The following BCL7A variants were observed in gnomAD, a reference collection of about 807,000 sequenced individuals.
BCL7A encodes BAF chromatin remodeling complex subunit BCL7A, also known as B-cell CLL/lymphoma 7 protein family member A.
BCL7A carries 11 observed loss-of-function variants against 28.4 expected under a neutral mutation model. That is an observed-to-expected ratio of 0.39 (90% CI 0.24 to 0.64). The LOEUF is 0.64. BCL7A is among the 30% of genes least tolerant of loss of function. The pLI, the probability that BCL7A is intolerant of heterozygous loss-of-function variation, is 0.50. For missense variants in BCL7A, 222 were observed against 274.8 expected, an observed-to-expected ratio of 0.81 and a Z score of 1.36; for synonymous variants, 123 against 103.3, an observed-to-expected ratio of 1.19 and a Z score of -1.15.
At position 122,030,598 on chromosome 12, in the gene BCL7A, A is replaced by G; in HGVS notation, c.93-102A>G. The stretch of plus-strand genomic sequence containing the variant: ...GGGTGGAGCTGGGATTCCAACCCTC[A>G]TCTGTGTGATCTGGAGCTTGCTCTC... On this transcript the variant is annotated intron_variant, in intron 1 of 5. Transcript: ENST00000261822. The G allele has an allele frequency of 2.7e-6, 3 of 1,093,614 alleles. No individual in the cohort carries two copies. In the South Asian group the frequency reaches 3.9e-5, roughly 14 times the overall value. The allele number at this position is 1,093,614 out of a possible 1,614,324, so 67.7% of individuals were successfully genotyped here.
intron 2 of BCL7A, among the ~76,000 whole-genome samples, chr12:122,033,510 C>T (rs1883784792): frequency 6.6e-6 from 1 of 152,060 alleles, no homozygotes; most frequent in African/African-American, 2.4e-5. Context: ...GACGGGGTTT[C>T]ACCATGTTAG....
At chr12:122,034,237 A>C (rs1182653797) in intron 2 of BCL7A, among the ~76,000 whole-genome samples, 6 of 96,570 alleles carry the variant, frequency 6.2e-5, no homozygotes, top group African/African-American at 2.4e-4. Context: ...ATATATATAT[A>C]TATATATCTT....
At chr12:122,032,871 G>T (rs1234101012) in intron 2 of BCL7A, among the ~76,000 whole-genome samples, 2 of 152,124 alleles carry the variant, frequency 1.3e-5, no homozygotes, top group East Asian at 3.9e-4. Flanking sequence ...CCTCTAGGGC[G>T]ATGGTTCTCG....
At chr12:122,053,707 C>T (rs1884247014) in intron 4 of BCL7A, among the ~76,000 whole-genome samples, 1 of 150,234 alleles carries the variant, frequency 6.7e-6, no homozygotes, top group African/African-American at 2.5e-5. Context: ...CCCATCCAGC[C>T]TGCACCTTCC....
chr12:122,044,811 G>A (rs1884038312), intron 4 of BCL7A, among the ~76,000 whole-genome samples: 1 of 152,182 alleles, frequency 6.6e-6, no homozygotes, highest in Non-Finnish European at 1.5e-5. Flanking sequence ...GGGTGACAGA[G>A]TGAGACCCTG....
At chr12:122,055,092 CT>C in intron 5 of BCL7A, 166 bp downstream of exon 5, 1 of 1,413,014 alleles carries the variant, frequency 7.1e-7, no homozygotes, top group South Asian at 1.3e-5. Flanking sequence ...CAGTCCTGGG[CT>C]CTGCCTTGGG....
chr12:122,060,176 G>A lies in BCL7A; in HGVS notation c.*1013G>A, dbSNP rs1007922912. ...GACGTCGCTTGGATTTCAAATCCACGGTCACCTGCTGCCCTTTGCCTCCCC... is the reference window on the plus strand; with the variant it reads ...GACGTCGCTTGGATTTCAAATCCACAGTCACCTGCTGCCCTTTGCCTCCCC... On this transcript the variant is annotated 3_prime_UTR_variant, in exon 6 of 6. Coordinates refer to ENST00000261822, the MANE Select transcript of BCL7A (RefSeq NM_001024808.3). 2 of 232,974 alleles carry A rather than the reference G, an allele frequency of 8.6e-6. No individual in the cohort carries two copies. Among genetic ancestry groups the A allele is most frequent in the South Asian group, 1.8e-4 (1 of 5,516 alleles). 14.4% of individuals were successfully genotyped at this position (232,974 alleles called of 1,614,324 possible).
intron 4 of BCL7A, among the ~76,000 whole-genome samples, chr12:122,052,852 T>C (rs1884219572): frequency 2.0e-5 from 2 of 101,494 alleles, no homozygotes; most frequent in Admixed American, 2.0e-4. Context: ...CTGGCTTACT[T>C]TTGTATTTTT....
rs536683470 is a variant in BCL7A, at chr12:122,043,539, G to A, written c.272-347G>A. ...TGTAATCCCACCACTTTGGGAGGCC[G>A]AGGCAGGAGGATTACCTGAGGTCAG... On this transcript the variant is annotated intron_variant, in intron 3 of 5. Coordinates refer to ENST00000261822, the MANE Select transcript of BCL7A (RefSeq NM_001024808.3). Among the ~76,000 whole-genome samples, 633 of 152,116 alleles carry A rather than the reference G, an allele frequency of 4.2e-3. 4 individuals carry two copies. Among genetic ancestry groups the A allele is most frequent in the African/African-American group, 0.015 (603 of 41,496 alleles).
chr12:122,025,794 A>G (rs1883614072), intron 1 of BCL7A, among the ~76,000 whole-genome samples: 1 of 151,422 alleles, frequency 6.6e-6, no homozygotes, highest in African/African-American at 2.4e-5. Flanking sequence ...AAAAATACAA[A>G]AAATTAGCTG....
chr12:122,022,944 G>A (rs1370381955), intron 1 of BCL7A, among the ~76,000 whole-genome samples: 2 of 152,164 alleles, frequency 1.3e-5, no homozygotes, highest in East Asian at 3.9e-4. Flanking sequence ...GCCAGAAGCC[G>A]TTCGTCCTGG....
rs1884255134 is a variant in BCL7A, at chr12:122,054,083, C to T, written c.440-722C>T. On this transcript the variant is annotated intron_variant, in intron 4 of 5. Coordinates refer to ENST00000261822, the MANE Select transcript of BCL7A (RefSeq NM_001024808.3). ...TTGCTCTGGCAATCGGAAAAATACC[C>T]TTATTATTGTTATTATTTTGAGACG... is the stretch of plus-strand genomic sequence containing the variant. Among the ~76,000 whole-genome samples, 5 of 152,074 alleles carry T rather than the reference C, an allele frequency of 3.3e-5. No individual in the cohort carries two copies. The South Asian group carries it at 1.0e-3, about 32-fold the overall frequency.
At position 122,059,442 on chromosome 12, in the gene BCL7A, G is replaced by T; in HGVS notation, c.*279G>T. 2.9e-6 allele frequency: 1 copy of T among 349,168 alleles called. No individual in the cohort carries two copies. Among genetic ancestry groups the T allele is most frequent in the Non-Finnish European group, 5.3e-6 (1 of 188,360 alleles). 21.6% of individuals were successfully genotyped at this position (349,168 alleles called of 1,614,324 possible). On this transcript the variant is annotated 3_prime_UTR_variant, in exon 6 of 6. Transcript: ENST00000261822. This position sits in a 1 kb window ranked among gnomAD's most constrained non-coding sequence, Gnocchi z 4.0. Reference sequence around the variant, plus strand: ...GTCTGCACACTGTCTCGGAAGCCAGGATTCCATTTGTGTTGCTGCTGTATT... The same window carrying T: ...GTCTGCACACTGTCTCGGAAGCCAGTATTCCATTTGTGTTGCTGCTGTATT...
Position 122,044,000 on chromosome 12 carries a change from A to G in BCL7A, c.386A>G (p.Glu129Gly), listed in dbSNP as rs1472421253. ...TCGGCTGTGCCCAGCGACGGCACCGAGGCCAAGGTGGATGAGGCCCAGGCT... is the reference window on the plus strand; with the variant it reads ...TCGGCTGTGCCCAGCGACGGCACCGGGGCCAAGGTGGATGAGGCCCAGGCT... ...PNSAVPSDGTEAKVDEAQADG... is the reference protein window; with the variant it reads ...PNSAVPSDGTGAKVDEAQADG... Residue 129 changes from glutamate to glycine, a missense_variant, in exon 4 of 6, where the codon GAG becomes GGG. By Grantham distance (98) the Glu-to-Gly change is moderately conservative. Coordinates refer to ENST00000261822, the MANE Select transcript of BCL7A (RefSeq NM_001024808.3). 18 of 1,613,990 alleles carry G rather than the reference A, an allele frequency of 1.1e-5. No individual in the cohort carries two copies. Among genetic ancestry groups the G allele is most frequent in the Non-Finnish European group, 1.5e-5 (18 of 1,180,006 alleles).
At chr12:122,025,221 G>A (rs1302480762) in intron 1 of BCL7A, among the ~76,000 whole-genome samples, 2 of 152,106 alleles carry the variant, frequency 1.3e-5, no homozygotes, top group Non-Finnish European at 2.9e-5. Flanking sequence ...TTGGAGGCCC[G>A]CTGCGGTGGC....
chr12:122,023,727 T>A (rs572711408), intron 1 of BCL7A, among the ~76,000 whole-genome samples: 2 of 152,186 alleles, frequency 1.3e-5, no homozygotes, highest in African/African-American at 4.8e-5. Flanking sequence ...ACTGGAGCCA[T>A]TTAAAAATGG....
intron 4 of BCL7A, among the ~76,000 whole-genome samples, chr12:122,048,390 A>G (rs1884120072): frequency 6.6e-6 from 1 of 152,088 alleles, no homozygotes; most frequent in Non-Finnish European, 1.5e-5. Flanking sequence ...GACACAGTTA[A>G]AAAGGGATTG....
At chr12:122,057,067 T>A (rs1270704450) in intron 5 of BCL7A, among the ~76,000 whole-genome samples, 4 of 151,722 alleles carry the variant, frequency 2.6e-5, no homozygotes, top group African/African-American at 9.7e-5. Flanking sequence ...GGTCACAGAG[T>A]CCCACTAAGT....
chr12:122,050,469 T>C (rs769515129), intron 4 of BCL7A, among the ~76,000 whole-genome samples: 2 of 152,172 alleles, frequency 1.3e-5, no homozygotes, highest in South Asian at 4.1e-4. Flanking sequence ...GCGTACAGTA[T>C]GTGTCGTCCC....
Sources: gnomAD v4.1 joint callset for allele counts (sites outside exome capture counted in the v4.1 genomes callset) on GRCh38, gnomAD v4.1.1 for gene constraint, Gnocchi (gnomAD v3.1) non-coding constraint, MANE v1.5 for transcripts, NCBI Gene and HGNC (gene_info 2026-07-23, HGNC 2026-07-21) for gene names.